The following DYRK1A variants were observed in gnomAD, a reference collection of about 807,000 sequenced individuals.
DYRK1A encodes the protein dual specificity tyrosine phosphorylation regulated kinase 1A, also known as dual specificity tyrosine-phosphorylation-regulated kinase 1A.
Under a neutral mutation model 79.7 loss-of-function variants are expected in DYRK1A, and 9 were observed. The ratio of observed to expected loss-of-function variants is 0.11; its 90% CI spans 0.07 to 0.20. The LOEUF (loss-of-function observed/expected upper bound fraction) is 0.20. Ranked by LOEUF, DYRK1A falls within the 10% of genes least tolerant of loss-of-function variation. The pLI is 1.00. For missense variants in DYRK1A, 622 were observed against 956.0 expected (o/e 0.65, Z 4.61); for synonymous variants, 349 against 329.7 (o/e 1.06, Z -0.63).
intron 2 of DYRK1A, among the ~76,000 whole-genome samples, chr21:37,433,044 A>AAAAAAT (rs372461775): frequency 7.1e-6 from 1 of 140,482 alleles, no homozygotes; most frequent in African/African-American, 2.7e-5. Context: ...AGGAATTCTA[A>AAAAAAT]ATATATATAT....
chr21:37,457,907 A>T (rs2051706385), intron 2 of DYRK1A, among the ~76,000 whole-genome samples: 1 of 152,198 alleles, frequency 6.6e-6, no homozygotes, highest in East Asian at 1.9e-4. Flanking sequence ...AGGGAAGGCA[A>T]CTTTGTTTCC....
intron 2 of DYRK1A, among the ~76,000 whole-genome samples, chr21:37,453,374 T>G (rs1689366885): frequency 6.6e-6 from 1 of 152,200 alleles, no homozygotes; most frequent in Non-Finnish European, 1.5e-5. Context: ...TAGTAGGGGC[T>G]CAGTAGATGT....
In DYRK1A at chr21:37,453,346, C is replaced by T. The variant is rs748252856; in HGVS notation, c.11-19338C>T. On this transcript the variant is annotated intron_variant, in intron 2 of 11. Coordinates refer to ENST00000647188, the MANE Select transcript of DYRK1A (RefSeq NM_001347721.2). ...TATGACTATTGTTGACTGCATTGGACGGTGCAAGTCTAGAATATAGTAGGG... is the reference window on the plus strand; with the variant it reads ...TATGACTATTGTTGACTGCATTGGATGGTGCAAGTCTAGAATATAGTAGGG... 6.1e-4 allele frequency among the ~76,000 whole-genome samples: 93 copies of T among 152,030 alleles called. 5 individuals are homozygous for T. Among genetic ancestry groups the T allele is most frequent in the Non-Finnish European group, 7.4e-5 (5 of 68,024 alleles).
chr21:37,477,144 A>G (rs915682987), intron 3 of DYRK1A, among the ~76,000 whole-genome samples: 2 of 151,956 alleles, frequency 1.3e-5, no homozygotes, highest in Non-Finnish European at 2.9e-5. Context: ...GACTCCACAC[A>G]TTTTTGCGAG....
At chr21:37,434,829 C>G (rs931957868) in intron 2 of DYRK1A, among the ~76,000 whole-genome samples, 2 of 152,184 alleles carry the variant, frequency 1.3e-5, no homozygotes, top group Non-Finnish European at 2.9e-5. Flanking sequence ...TTTAGTCTTT[C>G]CATTATAGAA....
At chr21:37,471,497 C>T (rs2052222784) in intron 2 of DYRK1A, among the ~76,000 whole-genome samples, 1 of 152,236 alleles carries the variant, frequency 6.6e-6, no homozygotes, top group Non-Finnish European at 1.5e-5. Context: ...CATTACTCTA[C>T]AGTACTTGCA....
intron 2 of DYRK1A, among the ~76,000 whole-genome samples, chr21:37,426,469 A>C (rs989813878): frequency 4.6e-5 from 7 of 152,314 alleles, no homozygotes; most frequent in Middle Eastern, 3.4e-3. Context: ...TTAGAAAATG[A>C]TACAAACACT....
intron 1 of DYRK1A, among the ~76,000 whole-genome samples, chr21:37,414,798 CAAGAG>C (rs1307050178): frequency 6.6e-6 from 1 of 152,062 alleles, no homozygotes; most frequent in African/African-American, 2.4e-5. Flanking sequence ...TATCTATTCA[CAAGAG>C]AATAGATAAA....
Position 37,479,606 on chromosome 21 carries a change from G to GTTTTTTTTTTTTTTT in DYRK1A, c.301-1027_301-1026insTTTTTTTTTTTTTTT, listed in dbSNP as rs1183029117. 3.8e-3 allele frequency among the ~76,000 whole-genome samples: 106 copies of GTTTTTTTTTTTTTTT among 27,582 alleles called. 15 individuals carry two copies. The highest frequency in any genetic ancestry group is 0.014 in the East Asian group (12 of 880). 18.1% of individuals were successfully genotyped at this position (27,582 alleles called of 152,430 possible). ...GTGTTGGTGTTTTGTTTTTGTTTTT[G>GTTTTTTTTTTTTTTT]TTTTTGTTTTTTGTTTTTTTTTTTT... On this transcript the variant is annotated intron_variant, in intron 4 of 11. Transcript: ENST00000647188.
chr21:37,371,410 G>A (rs1285926983), intron 1 of DYRK1A, among the ~76,000 whole-genome samples: 1 of 152,178 alleles, frequency 6.6e-6, no homozygotes, highest in East Asian at 1.9e-4. Flanking sequence ...AAAAAGTTAA[G>A]CTTTTGCTTT....
rs561042266 is a variant in DYRK1A at position 37,515,199 on chromosome 21, T to A, written c.*2668T>A. 21 of 152,792 alleles carry A rather than the reference T, an allele frequency of 1.4e-4. No individual in the cohort carries two copies. The highest frequency in any genetic ancestry group is 2.0e-4 in the Admixed American group (3 of 15,300). The allele number at this position is 152,792 out of a possible 1,614,324, so 9.5% of individuals were successfully genotyped here. A position where few individuals can be genotyped will look rare whatever the true frequency, so the allele number is the denominator to read the frequency against. On this transcript the variant is annotated 3_prime_UTR_variant, in exon 12 of 12. Transcript: ENST00000647188. The stretch of plus-strand genomic sequence containing the variant: ...CCTCAGACTCTTTACTATGCTTTTT[T>A]AAAAATTAATTTAAGAAAAATGTAA...
chr21:37,525,142 G>A lies in DYRK1A; in HGVS notation c.*12611G>A, dbSNP rs2053959870. The A allele has an allele frequency of 6.6e-6, 1 of 152,200 alleles. No individual in the cohort carries two copies. Among genetic ancestry groups the A allele is most frequent in the Admixed American group, 6.5e-5 (1 of 15,276 alleles). The allele number at this position is 152,200 out of a possible 1,614,324, so 9.4% of individuals were successfully genotyped here. A position where few individuals can be genotyped will look rare whatever the true frequency, so the allele number is the denominator to read the frequency against. ...AAACGAATTCAGTACACCCTGAAGT[G>A]GAATCTGCTAAGATGTGTTATGACT... is the stretch of plus-strand genomic sequence containing the variant. On this transcript the variant is annotated 3_prime_UTR_variant, in exon 12 of 12. Transcript: ENST00000647188.
intron 1 of DYRK1A, among the ~76,000 whole-genome samples, chr21:37,396,262 T>C (rs2148394222): frequency 6.6e-6 from 1 of 152,258 alleles, no homozygotes; most frequent in South Asian, 2.1e-4. Flanking sequence ...AGAAGTAGAA[T>C]AGGGTTTCTA....
Position 37,489,962 on chromosome 21 carries a change from G to A in DYRK1A, c.638-213G>A, listed in dbSNP as rs976601028. Among the ~76,000 whole-genome samples the A allele has an allele frequency of 7.2e-5, 11 of 152,076 alleles. No individual in the cohort carries two copies. In the East Asian group the frequency reaches 1.7e-3, roughly 24 times the overall value. On this transcript the variant is annotated intron_variant, in intron 6 of 11. Coordinates refer to ENST00000647188, the MANE Select transcript of DYRK1A (RefSeq NM_001347721.2). The stretch of plus-strand genomic sequence containing the variant: ...CACTGCTTACCTTATATCACTTACC[G>A]ACATATGCTGTACCTGTTTAATTCA...
chr21:37,470,282 G>A (rs558364657), intron 2 of DYRK1A, among the ~76,000 whole-genome samples: 84 of 152,168 alleles, frequency 5.5e-4, no homozygotes, highest in African/African-American at 2.0e-3. Flanking sequence ...TTTTTTCCCC[G>A]TTTCGTGACA....
rs1373843837 is a variant in DYRK1A, at chr21:37,524,685, T to G, written c.*12154T>G. ...TCATGACAGGGGTCACCATATGTTA[T>G]GCACACTGCTCCGCTATTGCTCTTT... On this transcript the variant is annotated 3_prime_UTR_variant, in exon 12 of 12. Coordinates refer to ENST00000647188, the MANE Select transcript of DYRK1A (RefSeq NM_001347721.2). The G allele has an allele frequency of 2.0e-5, 3 of 152,266 alleles. No individual in the cohort carries two copies. The highest frequency in any genetic ancestry group is 7.2e-5 in the African/African-American group (3 of 41,470). 9.4% of individuals were successfully genotyped at this position (152,266 alleles called of 1,614,324 possible).
chr21:37,385,966 C>T (rs1364321074), intron 1 of DYRK1A, among the ~76,000 whole-genome samples: 1 of 152,122 alleles, frequency 6.6e-6, no homozygotes, highest in Non-Finnish European at 1.5e-5. Flanking sequence ...TCTTTGCACC[C>T]GTTAACATAG....
intron 2 of DYRK1A, chr21:37,430,400 G>A: frequency 1.0e-6 from 1 of 985,322 alleles, no homozygotes; most frequent in Non-Finnish European, 1.2e-6. Flanking sequence ...ACTGGATTGA[G>A]GTCTGGTACA....
intron 2 of DYRK1A, among the ~76,000 whole-genome samples, chr21:37,431,694 TA>T (rs1569316202): frequency 6.6e-6 from 1 of 152,200 alleles, no homozygotes; most frequent in East Asian, 1.9e-4. Flanking sequence ...TTCATTTTTT[TA>T]AAAAGTTAGA....
Sources: gnomAD v4.1 joint callset for allele counts (sites outside exome capture counted in the v4.1 genomes callset) on GRCh38, gnomAD v4.1.1 for gene constraint, MANE v1.5 for transcripts, NCBI Gene and HGNC (gene_info 2026-07-23, HGNC 2026-07-21) for gene names.